The following ELMO1 variants were observed in gnomAD, a reference collection of about 807,000 sequenced individuals.
ELMO1 encodes the protein engulfment and cell motility 1.
In ELMO1, 26 loss-of-function variants were observed where a neutral mutation model predicts 98.9. That is an observed-to-expected ratio of 0.26 (90% confidence interval 0.19 to 0.36). The LOEUF (loss-of-function observed/expected upper bound fraction) is 0.36, where lower values mean the gene tolerates loss of function less well. Ranked by LOEUF, ELMO1 falls within the 10% of genes least tolerant of loss-of-function variation. The probability of loss-of-function intolerance (pLI) is 1.00; values close to 1 mark genes in which losing one functional copy is unlikely to be tolerated. For missense variants in ELMO1, 627 were observed against 935.2 expected (o/e 0.67, Z 4.30); for synonymous variants, 346 against 346.0 (o/e 1.00, Z 0.00).
At chr7:37,403,300 G>C (rs539618869) in intron 1 of ELMO1, among the ~76,000 whole-genome samples, 109 of 152,238 alleles carry the variant, frequency 7.2e-4, no homozygotes, top group African/African-American at 2.6e-3. Context: ...GCTCACACCT[G>C]TAATCCCAAC....
At position 37,213,444 on chromosome 7, in the gene ELMO1, G is replaced by C; in HGVS notation, c.845C>G (p.Ala282Gly). ...CATCTCATTGTTGATGGCCCGCTGG[G>C]CTCGGATGACATGCTAGGGAGATGG... The part of the protein sequence containing the change: ...RSIILTHVIR[A>G]QRAINNEMAH... The change falls in exon 12 of 22, where the codon GCC (alanine) becomes GGC (glycine). Residue 282 changes from alanine to glycine, a missense_variant. Physicochemically the swap from Ala to Gly is moderately conservative, Grantham distance 60. Transcript: ENST00000310758. 8.1e-6 allele frequency: 13 copies of C among 1,611,872 alleles called. No individual in the cohort carries two copies. The highest frequency in any genetic ancestry group is 1.1e-5 in the Non-Finnish European group (13 of 1,179,536).
chr7:37,207,819 G>A (rs528078995), intron 13 of ELMO1, among the ~76,000 whole-genome samples: 10 of 152,196 alleles, frequency 6.6e-5, no homozygotes, highest in East Asian at 3.9e-4. Flanking sequence ...GTGGGCACCC[G>A]ACAAGAGCAA....
At chr7:37,063,661 C>T (rs1406884340) in intron 15 of ELMO1, among the ~76,000 whole-genome samples, 1 of 152,106 alleles carries the variant, frequency 6.6e-6, no homozygotes, top group East Asian at 1.9e-4. Context: ...CTTTTAAATC[C>T]ACTTGTATGA....
At chr7:37,284,123 T>G (rs750353197) in intron 4 of ELMO1, among the ~76,000 whole-genome samples, 9 of 152,078 alleles carry the variant, frequency 5.9e-5, no homozygotes, top group African/African-American at 2.2e-4. Context: ...GTCTGGTATC[T>G]GGGAGAAGCA....
At chr7:37,203,993 G>A (rs1792454859) in intron 13 of ELMO1, 7 of 432,000 alleles carry the variant, frequency 1.6e-5, no homozygotes, top group South Asian at 1.2e-4. Flanking sequence ...TGTGTCTTTA[G>A]TCTGGCAGCC....
At chr7:36,865,157 A>G (rs1802938469) in intron 20 of ELMO1, among the ~76,000 whole-genome samples, 1 of 152,128 alleles carries the variant, frequency 6.6e-6, no homozygotes, top group Non-Finnish European at 1.5e-5. Context: ...CAATCCTTAC[A>G]TTGTTTGACG....
At position 36,914,958 on chromosome 7, in the gene ELMO1, TTTTG is replaced by T. The variant is rs551080080; in HGVS notation, c.1438-19945_1438-19942del. On this transcript the variant is annotated intron_variant, in intron 16 of 21. Coordinates refer to ENST00000310758, the MANE Select transcript of ELMO1 (RefSeq NM_014800.11). ...ACAGCTTTCATTTAGCAAAGCAGTTTTTTGTTTGTTTAAGAGATGGAGTCTTGCT... is the reference window on the plus strand; with the variant it reads ...ACAGCTTTCATTTAGCAAAGCAGTTTTTTGTTTAAGAGATGGAGTCTTGCT... 2.0e-3 allele frequency among the ~76,000 whole-genome samples: 306 copies of T among 152,304 alleles called. 1 individual carries two copies. Among genetic ancestry groups the T allele is most frequent in the Non-Finnish European group, 3.4e-3 (230 of 68,028 alleles).
At chr7:36,858,193 T>C (rs1264975937) in intron 21 of ELMO1, among the ~76,000 whole-genome samples, 1 of 152,166 alleles carries the variant, frequency 6.6e-6, no homozygotes, top group Non-Finnish European at 1.5e-5. Context: ...GATAACCAAA[T>C]AGTTGATGAG....
intron 13 of ELMO1, among the ~76,000 whole-genome samples, chr7:37,168,132 G>T (rs575295697): frequency 7.2e-5 from 11 of 152,020 alleles, no homozygotes; most frequent in African/African-American, 2.7e-4. Context: ...TGATCGCATT[G>T]GCTCCTGAGG....
chr7:37,234,966 T>C (rs1467073722), intron 7 of ELMO1, among the ~76,000 whole-genome samples: 2 of 152,188 alleles, frequency 1.3e-5, no homozygotes, highest in African/African-American at 2.4e-5. Flanking sequence ...TCAGACCAGA[T>C]AGAAAAGCAG....
chr7:36,939,528 A>T (rs1786841028), intron 16 of ELMO1, among the ~76,000 whole-genome samples: 1 of 152,206 alleles, frequency 6.6e-6, no homozygotes, highest in Admixed American at 6.5e-5. Context: ...TCCTATTCCA[A>T]CTTGGATATG....
Position 36,853,851 on chromosome 7 carries a change from G to T in ELMO1, c.*1700C>A, listed in dbSNP as rs1262635606. Among the ~76,000 whole-genome samples, 1 of 152,142 alleles carries T rather than the reference G, an allele frequency of 6.6e-6. No homozygotes were observed. Among genetic ancestry groups the T allele is most frequent in the Non-Finnish European group, 1.5e-5 (1 of 68,034 alleles). On this transcript the variant is annotated 3_prime_UTR_variant, in exon 22 of 22. Transcript: ENST00000310758. ...GTTTACAATCCTGATAATGCCTCCA[G>T]TGCAAATGACTTAAGAAACATCCTT... is the stretch of plus-strand genomic sequence containing the variant.
intron 15 of ELMO1, among the ~76,000 whole-genome samples, chr7:37,078,125 A>T (rs1309548042): frequency 6.6e-6 from 1 of 152,216 alleles, no homozygotes; most frequent in East Asian, 1.9e-4. Context: ...TTCAATTTAA[A>T]TCAGAAGGAA....
chr7:37,344,192 C>T (rs1014870452), intron 1 of ELMO1, among the ~76,000 whole-genome samples: 6 of 151,726 alleles, frequency 4.0e-5, no homozygotes, highest in East Asian at 1.9e-4. Flanking sequence ...CCACCACATC[C>T]GGCTAACTTT....
intron 5 of ELMO1, chr7:37,270,904 G>GACACAGACACAC (rs1554286330): frequency 7.5e-5 from 10 of 133,646 alleles, no homozygotes; most frequent in Non-Finnish European, 1.5e-4. Context: ...CACACACACA[G>GACACAGACACAC]ACACACACAC....
intron 1 of ELMO1, among the ~76,000 whole-genome samples, chr7:37,362,378 A>G (rs1173790723): frequency 1.3e-5 from 2 of 152,172 alleles, no homozygotes; most frequent in East Asian, 3.8e-4. Flanking sequence ...AGGGCCACCC[A>G]CTGTCCCCCA....
rs568208546 is a variant in ELMO1, at chr7:37,330,577, C to G, written c.78+12036G>C. 2.0e-5 allele frequency among the ~76,000 whole-genome samples: 3 copies of G among 152,308 alleles called. No homozygotes were observed. The South Asian group carries it at 6.2e-4, about 32-fold the overall frequency. ...GACTGCCATCAATCAGAATATGTTT[C>G]TCTTCATATCTTCCACCCCCAAATT... On this transcript the variant is annotated intron_variant, in intron 2 of 21. Transcript: ENST00000310758.
At chr7:37,138,919 C>G (rs1787438160) in intron 13 of ELMO1, among the ~76,000 whole-genome samples, 1 of 152,126 alleles carries the variant, frequency 6.6e-6, no homozygotes, top group South Asian at 2.1e-4. Flanking sequence ...GATGGTTTAA[C>G]ACATATAAGT....
chr7:37,086,367 TG>T lies in ELMO1; in HGVS notation c.1300+10251del, dbSNP rs562169325. 3.8e-3 allele frequency among the ~76,000 whole-genome samples: 555 copies of T among 147,598 alleles called. 4 individuals are homozygous for T. Among genetic ancestry groups the T allele is most frequent in the African/African-American group, 0.012 (486 of 39,338 alleles). On this transcript the variant is annotated intron_variant, in intron 15 of 21. Transcript: ENST00000310758. The stretch of plus-strand genomic sequence containing the variant: ...GTGTGTGTGTGTGTGTGTGTGTGTG[TG>T]AAGAGAAGGAGAGAAAAAGAGGGTG...
Sources: gnomAD v4.1 joint callset for allele counts (sites outside exome capture counted in the v4.1 genomes callset) on GRCh38, gnomAD v4.1.1 for gene constraint, MANE v1.5 for transcripts, NCBI Gene and HGNC (gene_info 2026-07-23, HGNC 2026-07-21) for gene names.